The following DLG2 variants were observed in gnomAD, a reference collection of about 807,000 sequenced individuals.
DLG2 encodes disks large homolog 2.
A neutral mutation model predicts 132.5 loss-of-function variants in DLG2; 45 were observed. The ratio of observed to expected loss-of-function variants is 0.34; its 90% CI spans 0.27 to 0.44. The LOEUF (loss-of-function observed/expected upper bound fraction) is 0.44. Ranked by LOEUF, DLG2 falls within the 20% of genes least tolerant of loss-of-function variation. The pLI, the probability that DLG2 is intolerant of heterozygous loss-of-function variation, is 1.00. For missense variants in DLG2, 1,045 were observed against 1,196.9 expected, an observed-to-expected ratio of 0.87 and a Z score of 1.87; for synonymous variants, 424 against 419.6, an observed-to-expected ratio of 1.01 and a Z score of -0.13.
intron 15 of DLG2, among the ~76,000 whole-genome samples, chr11:83,901,861 A>G (rs1348624630): frequency 6.6e-6 from 1 of 152,192 alleles, no homozygotes; most frequent in Non-Finnish European, 1.5e-5. Context: ...CCTCATCCAC[A>G]ACATGAGAAA....
At chr11:84,541,764 C>T (rs2154522329) in intron 6 of DLG2, among the ~76,000 whole-genome samples, 1 of 152,226 alleles carries the variant, frequency 6.6e-6, no homozygotes, top group East Asian at 1.9e-4. Flanking sequence ...GCCCTCCCAG[C>T]TGAGCTTGCA....
intron 4 of DLG2, among the ~76,000 whole-genome samples, chr11:85,194,205 T>G (rs996692746): frequency 2.0e-5 from 3 of 152,204 alleles, no homozygotes; most frequent in Admixed American, 2.0e-4. Flanking sequence ...GACTCTCATG[T>G]TGGAGAACTG....
intron 7 of DLG2, among the ~76,000 whole-genome samples, chr11:84,474,792 T>C (rs573497771): frequency 6.6e-6 from 1 of 152,044 alleles, no homozygotes; most frequent in Non-Finnish European, 1.5e-5. Flanking sequence ...CATAATCTTC[T>C]TGAAGAGTGG....
At chr11:84,348,083 CAT>C (rs1212435073) in intron 7 of DLG2, among the ~76,000 whole-genome samples, 2 of 152,102 alleles carry the variant, frequency 1.3e-5, no homozygotes, top group African/African-American at 4.8e-5. Context: ...GCATGTGACA[CAT>C]AGTAAATGCT....
At chr11:85,458,228 G>T (rs1388345226) in intron 3 of DLG2, among the ~76,000 whole-genome samples, 3 of 151,960 alleles carry the variant, frequency 2.0e-5, no homozygotes, top group African/African-American at 7.3e-5. Context: ...CTATTCTCCT[G>T]TTAACACTTG....
intron 6 of DLG2, among the ~76,000 whole-genome samples, chr11:84,900,528 G>A (rs752938114): frequency 1.3e-5 from 2 of 151,994 alleles, no homozygotes; most frequent in Admixed American, 1.3e-4. Context: ...TTAACAATGT[G>A]AAAATCTCTA....
chr11:83,813,477 GTAAC>G (rs1331353633), intron 17 of DLG2, among the ~76,000 whole-genome samples: 1 of 152,224 alleles, frequency 6.6e-6, no homozygotes, highest in African/African-American at 2.4e-5. Flanking sequence ...TCCTGCTTGA[GTAAC>G]TACAATGCAG....
chr11:85,511,055 A>C (rs1331986878), intron 3 of DLG2, among the ~76,000 whole-genome samples: 1 of 152,036 alleles, frequency 6.6e-6, no homozygotes, highest in Non-Finnish European at 1.5e-5. Context: ...AAAAATGATG[A>C]GTTCATGTCC....
At position 83,874,408 on chromosome 11, in the gene DLG2, T is replaced by C. The variant is rs368124647; in HGVS notation, c.1565+12A>G. The C allele has an allele frequency of 1.3e-6, 2 of 1,582,468 alleles. No individual in the cohort carries two copies. The highest frequency in any genetic ancestry group is 2.3e-5 in the East Asian group (1 of 43,754). On this transcript the variant is annotated intron_variant, in intron 16 of 27. Transcript: ENST00000376104. Reference sequence around the variant, plus strand: ...GCTGCACAGTTTAAGAGGTTCTGTATTATTATCTTACCCTTCCAGGGAGAC... The same window carrying C: ...GCTGCACAGTTTAAGAGGTTCTGTACTATTATCTTACCCTTCCAGGGAGAC...
intron 3 of DLG2, among the ~76,000 whole-genome samples, chr11:85,383,604 G>T (rs1040605355): frequency 6.6e-6 from 1 of 151,980 alleles, no homozygotes; most frequent in Non-Finnish European, 1.5e-5. Flanking sequence ...ATTAGCACAC[G>T]GTAAGTAGAG....
At chr11:85,090,878 A>G (rs542088613) in intron 6 of DLG2, among the ~76,000 whole-genome samples, 20 of 152,354 alleles carry the variant, frequency 1.3e-4, no homozygotes, top group African/African-American at 4.8e-4. Context: ...CTGGTCAGAA[A>G]ACTGGGCATC....
chr11:84,374,140 G>T (rs2098719858), intron 7 of DLG2, among the ~76,000 whole-genome samples: 1 of 152,120 alleles, frequency 6.6e-6, no homozygotes, highest in African/African-American at 2.4e-5. Context: ...ATGGGGAAAA[G>T]GATATCTCTA....
At chr11:83,884,260 G>A (rs998644477) in intron 15 of DLG2, among the ~76,000 whole-genome samples, 31 of 152,306 alleles carry the variant, frequency 2.0e-4, no homozygotes, top group Middle Eastern at 6.8e-3. Flanking sequence ...CTTTTCCGAC[G>A]GGCTTAAAAA....
At chr11:84,446,212 T>A (rs2099034392) in intron 7 of DLG2, among the ~76,000 whole-genome samples, 1 of 152,104 alleles carries the variant, frequency 6.6e-6, no homozygotes, top group Non-Finnish European at 1.5e-5. Flanking sequence ...TTTATACCAT[T>A]TTTATTTTTA....
intron 18 of DLG2, among the ~76,000 whole-genome samples, chr11:83,672,296 T>G (rs11233709): frequency 0.33 from 50,223 of 151,864 alleles, 8,588 homozygotes; most frequent in African/African-American, 0.39. Flanking sequence ...GTGATTCTCC[T>G]GCCTCAGCCT....
At chr11:84,235,561 C>A (rs898032167) in intron 8 of DLG2, among the ~76,000 whole-genome samples, 3 of 152,080 alleles carry the variant, frequency 2.0e-5, no homozygotes, top group African/African-American at 7.2e-5. Context: ...AAAATCTCTT[C>A]CCAGGTTGAC....
chr11:84,585,476 T>C (rs1405966858), intron 6 of DLG2, among the ~76,000 whole-genome samples: 1 of 152,208 alleles, frequency 6.6e-6, no homozygotes, highest in Non-Finnish European at 1.5e-5. Flanking sequence ...CTTGGGATTA[T>C]CATAGGTATT....
chr11:83,471,798 G>T (rs960520328), intron 23 of DLG2, 71 bp from the exon 24 acceptor site: 7 of 1,268,710 alleles, frequency 5.5e-6, no homozygotes, highest in Admixed American at 1.9e-5. Flanking sequence ...GTCCTGCAAG[G>T]GTGATTCTTA....
At chr11:83,587,875 G>C (rs7940250) in intron 19 of DLG2, among the ~76,000 whole-genome samples, 128 of 152,344 alleles carry the variant, frequency 8.4e-4, no homozygotes, top group African/African-American at 2.9e-3. Context: ...AAGGAAAGGG[G>C]TGACGGACGG....
Sources: gnomAD v4.1 joint callset for allele counts (sites outside exome capture counted in the v4.1 genomes callset) on GRCh38, gnomAD v4.1.1 for gene constraint, MANE v1.5 for transcripts, NCBI Gene and HGNC (gene_info 2026-07-23, HGNC 2026-07-21) for gene names.